The following USP24 variants were observed in gnomAD, a reference collection of about 807,000 sequenced individuals.
USP24 encodes the protein ubiquitin specific peptidase 24.
In USP24, 97 loss-of-function variants were observed where a neutral mutation model predicts 361.6. The ratio of observed to expected loss-of-function variants is 0.27; its 90% CI spans 0.23 to 0.32. The LOEUF is 0.32. Among genes scored for constraint, USP24 ranks in the 10% least tolerant of loss-of-function variants. USP24 has a pLI of 1.00. For missense variants in USP24, 2,353 were observed against 3,165.6 expected (o/e 0.74, Z 6.16); for synonymous variants, 1,098 against 1,124.6 (o/e 0.98, Z 0.47).
chr1:55,132,483 C>T, intron 31 of USP24, 62 bp downstream of exon 31: 1 of 1,508,966 alleles, frequency 6.6e-7, no homozygotes, highest in Non-Finnish European at 8.9e-7. Flanking sequence ...CATCTGAAAG[C>T]ATGAATCGAT....
chr1:55,182,591 G>A (rs531045300), intron 1 of USP24, among the ~76,000 whole-genome samples: 1 of 152,152 alleles, frequency 6.6e-6, no homozygotes, highest in Admixed American at 6.5e-5. Context: ...GGGAGCAAGG[G>A]GGGAGATCTT....
chr1:55,157,312 G>C lies in USP24; in HGVS notation c.1286C>G (p.Thr429Arg). Residue 429 changes from threonine to arginine, a missense_variant, in exon 11 of 68, where the codon ACA becomes AGA. Physicochemically the swap from Thr to Arg is moderately conservative, Grantham distance 71 (BLOSUM62 -1). Coordinates refer to ENST00000294383, the MANE Select transcript of USP24 (RefSeq NM_015306.3). The stretch of plus-strand genomic sequence containing the variant: ...AACTAGCCAATCTAATAATCTGTCT[G>C]TATCTATAGCATTCTTCACAGATTT... ...LSKSVKNAID[T>R]DRLLDWLVEN... is the part of the protein sequence containing the mutation. 6.2e-7 allele frequency: 1 copy of C among 1,603,464 alleles called. No homozygotes were observed. Among genetic ancestry groups the C allele is most frequent in the Middle Eastern group, 1.7e-4 (1 of 6,018 alleles).
At position 55,068,893 on chromosome 1, in the gene USP24, G is replaced by A. The variant is rs1193232566; in HGVS notation, c.*152C>T. The A allele has an allele frequency of 1.1e-5, 8 of 749,854 alleles. No individual in the cohort carries two copies. In the Admixed American group the frequency reaches 1.8e-4, roughly 17 times the overall value. 46.5% of individuals were successfully genotyped at this position (749,854 alleles called of 1,614,324 possible). On this transcript the variant is annotated 3_prime_UTR_variant, in exon 68 of 68. Transcript: ENST00000294383. ...CCAAACCTTCTAGTGGCTTAAAAAT[G>A]CTTTCCTTGAGAAATACACGATCCG...
chr1:55,123,629 T>G lies in USP24; in HGVS notation c.4121-27A>C, dbSNP rs776683523. The G allele has an allele frequency of 3.8e-6, 6 of 1,567,850 alleles. No homozygotes were observed. The Admixed American group carries it at 1.1e-4, about 29-fold the overall frequency. On this transcript the variant is annotated intron_variant, in intron 35 of 67. Coordinates refer to ENST00000294383, the MANE Select transcript of USP24 (RefSeq NM_015306.3). ...TGAAAACAGGTAAGCAGAAATTTAC[T>G]GTGGATCCTACAGGAACTATGCAAT...
chr1:55,106,074 C>A, intron 41 of USP24, 72 bp downstream of exon 41: 2 of 1,208,434 alleles, frequency 1.7e-6, no homozygotes, highest in Non-Finnish European at 2.4e-6. Flanking sequence ...TCCAAGTTAA[C>A]AAAATCTTTT....
At chr1:55,154,846 C>A in intron 12 of USP24, 68 bp from the exon 13 acceptor site, 1 of 1,224,238 alleles carries the variant, frequency 8.2e-7, no homozygotes, top group Non-Finnish European at 1.2e-6. Context: ...TTCCCCCTGG[C>A]AACTTACAGA....
chr1:55,106,303 T>C (rs755948662), intron 40 of USP24, 40 bp from the exon 41 acceptor site: 2 of 1,481,076 alleles, frequency 1.4e-6, no homozygotes, highest in Non-Finnish European at 1.9e-6. Flanking sequence ...GATGAACACA[T>C]ATTTTAATTC....
intron 2 of USP24, among the ~76,000 whole-genome samples, chr1:55,177,366 C>CT (rs1422475585): frequency 6.6e-6 from 1 of 152,132 alleles, no homozygotes; most frequent in Non-Finnish European, 1.5e-5. Context: ...AACACACTCT[C>CT]TTTTTTTCAG....
At chr1:55,171,715 T>G (rs1304654412) in intron 4 of USP24, 37 bp from the exon 5 acceptor site, 1 of 1,574,842 alleles carries the variant, frequency 6.3e-7, no homozygotes, top group Non-Finnish European at 8.7e-7. Context: ...TTATTATCTA[T>G]TTCTATAGCA....
At chr1:55,172,647 T>A in intron 3 of USP24, 127 bp from the exon 4 acceptor site, 1 of 1,003,870 alleles carries the variant, frequency 1.0e-6, no homozygotes, top group Non-Finnish European at 1.4e-6. Flanking sequence ...GATGATTGGC[T>A]TTTAAAAGAC....
Position 55,099,888 on chromosome 1 carries a change from A to C in USP24, c.5272-19T>G. ...TGAAAATCTATATAACAAAAATTAAATGTTTTTAAAGGAAAAGTAGCAATT... is the reference window on the plus strand; with the variant it reads ...TGAAAATCTATATAACAAAAATTAACTGTTTTTAAAGGAAAAGTAGCAATT... On this transcript the variant is annotated intron_variant, in intron 44 of 67. Coordinates refer to ENST00000294383, the MANE Select transcript of USP24 (RefSeq NM_015306.3). 1 of 1,522,874 alleles carries C rather than the reference A, an allele frequency of 6.6e-7. No homozygotes were observed. The highest frequency in any genetic ancestry group is 8.9e-7 in the Non-Finnish European group (1 of 1,127,758). The allele number at this position is 1,522,874 out of a possible 1,614,324, so 94.3% of individuals were successfully genotyped here. A position where few individuals can be genotyped will look rare whatever the true frequency, so the allele number is the denominator to read the frequency against.
In USP24 at chr1:55,067,358, AGACCATTG is replaced by A. The variant is rs1302148819; in HGVS notation, c.*1679_*1686del. 6.6e-6 allele frequency: 1 copy of A among 152,236 alleles called. No individual in the cohort carries two copies. The highest frequency in any genetic ancestry group is 1.5e-5 in the Non-Finnish European group (1 of 68,050). The allele number at this position is 152,236 out of a possible 1,614,324, so 9.4% of individuals were successfully genotyped here. A position where few individuals can be genotyped will look rare whatever the true frequency, so the allele number is the denominator to read the frequency against. ...GTAGAACATCACATTTCAAACTGCAAGACCATTGGAACCGTCTGAAGTTTGCCACTCGC... is the reference window on the plus strand; with the variant it reads ...GTAGAACATCACATTTCAAACTGCAAGAACCGTCTGAAGTTTGCCACTCGC... On this transcript the variant is annotated 3_prime_UTR_variant, in exon 68 of 68. Transcript: ENST00000294383.
intron 16 of USP24, among the ~76,000 whole-genome samples, chr1:55,149,124 A>G (rs1235959587): frequency 2.6e-5 from 4 of 152,208 alleles, no homozygotes. Flanking sequence ...TATTACAGAC[A>G]TTTTACACTT....
intron 32 of USP24, among the ~76,000 whole-genome samples, chr1:55,128,462 G>T (rs1646498326): frequency 1.3e-5 from 2 of 152,078 alleles, no homozygotes; most frequent in African/African-American, 2.4e-5. Flanking sequence ...GGCAACTGAG[G>T]TTCCCAAGAC....
chr1:55,125,676 G>C lies in USP24; in HGVS notation c.3718C>G (p.Leu1240Val). 6.3e-7 allele frequency: 1 copy of C among 1,594,796 alleles called. No individual in the cohort carries two copies. The highest frequency in any genetic ancestry group is 8.5e-7 in the Non-Finnish European group (1 of 1,169,706). Residue 1240 changes from leucine (L) to valine (V), a missense_variant, in exon 33 of 68, where the codon CTA becomes GTA. Coordinates refer to ENST00000294383, the MANE Select transcript of USP24 (RefSeq NM_015306.3). ...ATATTTACATACCTTGCAAGCTGTA[G>C]ACAGATGGAATAAACACCCTGCCTT... is the stretch of plus-strand genomic sequence containing the variant. The part of the protein sequence containing the change: ...ETRQGVYSIC[L>V]QLARFLLVGQ...
rs1226056876 is a variant in USP24 at position 55,172,374 on chromosome 1, T to C, written c.702+3A>G. 2 of 1,608,462 alleles carry C rather than the reference T, an allele frequency of 1.2e-6. No individual in the cohort carries two copies. Among genetic ancestry groups the C allele is most frequent in the South Asian group, 1.1e-5 (1 of 89,766 alleles). ...AAAGTACTTAATTTTAGAGATACTA[T>C]ACCATTGTAAGCACACCCAGGAGAC... is the stretch of plus-strand genomic sequence containing the variant. On this transcript the variant is annotated splice_donor_region_variant and intron_variant, in intron 4 of 67. Transcript: ENST00000294383.
chr1:55,074,649 A>AATAC (rs200330250), intron 63 of USP24, among the ~76,000 whole-genome samples: 7,415 of 149,040 alleles, frequency 0.05, 237 homozygotes, highest in African/African-American at 0.085. Context: ...TAAATAAATA[A>AATAC]ATAAATAAAT....
chr1:55,085,715 C>T lies in USP24; in HGVS notation c.6765+227G>A, dbSNP rs140419894. 2.3e-3 allele frequency among the ~76,000 whole-genome samples: 356 copies of T among 152,250 alleles called. 1 individual carries two copies. Among genetic ancestry groups the T allele is most frequent in the African/African-American group, 8.3e-3 (344 of 41,550 alleles). ...AGTGTTTCTAGAGAGAAAATCCCAACGCAGACCAAAGCAGGCCTGAATTCC... is the reference window on the plus strand; with the variant it reads ...AGTGTTTCTAGAGAGAAAATCCCAATGCAGACCAAAGCAGGCCTGAATTCC... On this transcript the variant is annotated intron_variant, in intron 56 of 67. Transcript: ENST00000294383.
chr1:55,097,178 T>G lies in USP24; in HGVS notation c.5716-6A>C, dbSNP rs749178010. On this transcript the variant is annotated splice_region_variant and splice_polypyrimidine_tract_variant and intron_variant, in intron 48 of 67. Coordinates refer to ENST00000294383, the MANE Select transcript of USP24 (RefSeq NM_015306.3). ...ATGTTTAGCATCCAGGGAAACTATG[T>G]AGAAGCAAAAAGACCATATTAACGT... 2.5e-6 allele frequency: 4 copies of G among 1,613,724 alleles called. No homozygotes were observed. In the African/African-American group the frequency reaches 5.3e-5, roughly 22 times the overall value.
Sources: gnomAD v4.1 joint callset for allele counts (sites outside exome capture counted in the v4.1 genomes callset) on GRCh38, gnomAD v4.1.1 for gene constraint, MANE v1.5 for transcripts, NCBI Gene and HGNC (gene_info 2026-07-23, HGNC 2026-07-21) for gene names.